CLMP: variants seen among roughly 807,000 people sequenced by gnomAD.
CLMP encodes the protein CXADR-like membrane protein.
A neutral mutation model predicts 45.2 loss-of-function variants in CLMP; 27 were observed. The observed-to-expected ratio is 0.60, with a 90% CI of 0.44 to 0.82. The LOEUF is 0.82. Ranked by LOEUF, CLMP falls within the 40% of genes least tolerant of loss-of-function variation. The probability of loss-of-function intolerance (pLI) is 0.00; values close to 1 mark genes in which losing one functional copy is unlikely to be tolerated. For synonymous variants in CLMP, 167 were observed against 171.4 expected (o/e 0.97, Z 0.20); for missense variants, 403 against 448.4 (o/e 0.90, Z 0.91).
intron 1 of CLMP, among the ~76,000 whole-genome samples, chr11:123,171,308 A>G (rs552198344): frequency 2.0e-5 from 3 of 152,286 alleles, no homozygotes; most frequent in Non-Finnish European, 2.9e-5. Context: ...GTCTGCATTA[A>G]GCTAAGGGCT....
chr11:123,116,782 A>G (rs1177571800), intron 1 of CLMP, among the ~76,000 whole-genome samples: 1 of 152,164 alleles, frequency 6.6e-6, no homozygotes, highest in African/African-American at 2.4e-5. Flanking sequence ...GACCACTTTT[A>G]TGTTTGCAAA....
Position 123,088,757 on chromosome 11 carries a change from C to T in CLMP, c.187-4044G>A, listed in dbSNP as rs536753937. Among the ~76,000 whole-genome samples the T allele has an allele frequency of 6.6e-5, 10 of 152,252 alleles. 1 individual carries two copies. The Middle Eastern group carries it at 0.02, about 311-fold the overall frequency. Reference sequence around the variant, plus strand: ...TCTCCTGTCTCAGCCTCTCAAGTAGCCGGGATTACAGGCATTCACCACCAC... The same window carrying T: ...TCTCCTGTCTCAGCCTCTCAAGTAGTCGGGATTACAGGCATTCACCACCAC... On this transcript the variant is annotated intron_variant, in intron 2 of 6. Transcript: ENST00000448775.
intron 1 of CLMP, among the ~76,000 whole-genome samples, chr11:123,143,220 T>C (rs537383424): frequency 6.6e-6 from 1 of 152,314 alleles, no homozygotes; most frequent in African/African-American, 2.4e-5. Context: ...AGAAGGGACA[T>C]TGGCCATGGA....
At chr11:123,120,111 ATGT>A (rs1252878330) in intron 1 of CLMP, among the ~76,000 whole-genome samples, 1 of 152,114 alleles carries the variant, frequency 6.6e-6, no homozygotes, top group East Asian at 1.9e-4. Flanking sequence ...ATGTCAGGAA[ATGT>A]TGTTGTACTA....
At chr11:123,179,089 A>G (rs1861734692) in intron 1 of CLMP, among the ~76,000 whole-genome samples, 1 of 152,216 alleles carries the variant, frequency 6.6e-6, no homozygotes. Context: ...ACCCAGCCTG[A>G]TAAATGTTTT....
intron 2 of CLMP, among the ~76,000 whole-genome samples, chr11:123,085,770 T>G (rs1053026274): frequency 1.2e-4 from 9 of 73,114 alleles, no homozygotes; most frequent in East Asian, 7.0e-4. Context: ...ATTTTTTATG[T>G]TTTTTTTTTT....
chr11:123,098,985 G>A (rs943780045), intron 1 of CLMP, among the ~76,000 whole-genome samples: 4 of 152,016 alleles, frequency 2.6e-5, no homozygotes, highest in Admixed American at 2.6e-4. Flanking sequence ...GAGCCACCGC[G>A]TCCGGCCGTG....
intron 4 of CLMP, 129 bp from the exon 5 acceptor site, chr11:123,083,336 A>G (rs1865826862): frequency 2.1e-6 from 2 of 968,952 alleles, no homozygotes; most frequent in South Asian, 3.3e-5. Context: ...TGGAAAAGAT[A>G]TCCTTTGGGA....
intron 5 of CLMP, among the ~76,000 whole-genome samples, chr11:123,081,358 A>G (rs898075916): frequency 2.0e-5 from 3 of 152,096 alleles, no homozygotes; most frequent in African/African-American, 4.8e-5. Context: ...TCAAGACTCA[A>G]TCTCTAGATT....
chr11:123,132,766 T>A (rs1861009687), intron 1 of CLMP, among the ~76,000 whole-genome samples: 1 of 151,286 alleles, frequency 6.6e-6, no homozygotes, highest in Non-Finnish European at 1.5e-5. Flanking sequence ...GCCCTGTTTT[T>A]TATTTTATTT....
At chr11:123,160,410 G>C (rs569762420) in intron 1 of CLMP, among the ~76,000 whole-genome samples, 2 of 150,262 alleles carry the variant, frequency 1.3e-5, no homozygotes. Context: ...AGCATGTTTT[G>C]CTGCATGTCT....
At chr11:123,159,811 A>C (rs535483803) in intron 1 of CLMP, among the ~76,000 whole-genome samples, 22 of 152,190 alleles carry the variant, frequency 1.4e-4, no homozygotes, top group Admixed American at 6.5e-4. Flanking sequence ...AATTATTTTC[A>C]ATTTCTAGCC....
chr11:123,112,003 C>T (rs1044942917), intron 1 of CLMP, among the ~76,000 whole-genome samples: 7 of 151,772 alleles, frequency 4.6e-5, no homozygotes, highest in African/African-American at 7.3e-5. Flanking sequence ...GCCCCTGGCT[C>T]GGAAAAAAAC....
At chr11:123,088,309 C>T (rs943224523) in intron 2 of CLMP, among the ~76,000 whole-genome samples, 4 of 152,142 alleles carry the variant, frequency 2.6e-5, no homozygotes, top group Non-Finnish European at 5.9e-5. Context: ...CAGGAAAAAA[C>T]TGGAAGCTGT....
intron 2 of CLMP, among the ~76,000 whole-genome samples, chr11:123,097,571 C>T (rs1866005175): frequency 6.6e-6 from 1 of 152,180 alleles, no homozygotes; most frequent in South Asian, 2.1e-4. Flanking sequence ...TCAGGTGATC[C>T]ACCCACCTTG....
chr11:123,157,609 C>T (rs577105290), intron 1 of CLMP, among the ~76,000 whole-genome samples: 1 of 151,740 alleles, frequency 6.6e-6, no homozygotes, highest in East Asian at 1.9e-4. Context: ...ATCCCAGCTA[C>T]TCCGGAGGCT....
At chr11:123,105,404 CCTCT>C (rs1312754180) in intron 1 of CLMP, among the ~76,000 whole-genome samples, 1 of 123,808 alleles carries the variant, frequency 8.1e-6, no homozygotes, top group African/African-American at 3.1e-5. Context: ...TTCCTTCCTT[CCTCT>C]CTCTCTCTTT....
chr11:123,150,172 A>T (rs1449164867), intron 1 of CLMP, among the ~76,000 whole-genome samples: 2 of 148,132 alleles, frequency 1.4e-5, no homozygotes, highest in Admixed American at 7.0e-5. Context: ...TGTCAGAAGT[A>T]GTTGGAAAAA....
intron 1 of CLMP, among the ~76,000 whole-genome samples, chr11:123,170,623 T>G (rs1309317419): frequency 6.6e-6 from 1 of 152,082 alleles, no homozygotes; most frequent in Non-Finnish European, 1.5e-5. Flanking sequence ...GTATTTTTAG[T>G]ACAGATGGGG....
Sources: gnomAD v4.1 joint callset for allele counts (sites outside exome capture counted in the v4.1 genomes callset) on GRCh38, gnomAD v4.1.1 for gene constraint, MANE v1.5 for transcripts, NCBI Gene and HGNC (gene_info 2026-07-23, HGNC 2026-07-21) for gene names.